Variants in PPP3CA observed in about 807,000 individuals in gnomAD.
PPP3CA encodes protein phosphatase 3 catalytic subunit alpha.
A neutral mutation model predicts 66.5 loss-of-function variants in PPP3CA; 14 were observed. The observed-to-expected ratio is 0.21, with a 90% CI of 0.14 to 0.33. PPP3CA has a LOEUF of 0.33. PPP3CA is among the 10% of genes least tolerant of loss of function. The probability of loss-of-function intolerance (pLI) is 1.00; values close to 1 mark genes in which losing one functional copy is unlikely to be tolerated. For missense variants in PPP3CA, 317 were observed against 639.5 expected, an observed-to-expected ratio of 0.50 and a Z score of 5.44; for synonymous variants, 232 against 226.2, an observed-to-expected ratio of 1.03 and a Z score of -0.23.
intron 11 of PPP3CA, among the ~76,000 whole-genome samples, chr4:101,039,879 T>C (rs1396005459): frequency 6.9e-6 from 1 of 144,682 alleles, no homozygotes; most frequent in Non-Finnish European, 1.5e-5. Context: ...AAGTAATCTT[T>C]TGAAGAGAAA....
intron 2 of PPP3CA, among the ~76,000 whole-genome samples, chr4:101,132,404 A>T (rs549600934): frequency 6.6e-6 from 1 of 152,318 alleles, no homozygotes; most frequent in African/African-American, 2.4e-5. Flanking sequence ...ACACTAAAAA[A>T]TGATAAAGGG....
At chr4:101,228,024 G>A (rs970045363) in intron 1 of PPP3CA, among the ~76,000 whole-genome samples, 2 of 151,530 alleles carry the variant, frequency 1.3e-5, no homozygotes, top group African/African-American at 4.8e-5. Flanking sequence ...GCCTTTTAAA[G>A]GGGATTCTCT....
chr4:101,088,490 CAGG>C (rs1729769815), intron 6 of PPP3CA, among the ~76,000 whole-genome samples: 2 of 145,014 alleles, frequency 1.4e-5, no homozygotes, highest in South Asian at 4.3e-4. Context: ...GAAGCTGAGG[CAGG>C]AGAATGGTGT....
At chr4:101,098,626 CACAT>C in intron 4 of PPP3CA, 114 bp from the exon 5 acceptor site, 1 of 889,292 alleles carries the variant, frequency 1.1e-6, no homozygotes, top group Admixed American at 3.7e-5. Flanking sequence ...AACATAAAGG[CACAT>C]ACTACAAAAT....
At chr4:101,276,743 G>GA (rs1045090271) in intron 1 of PPP3CA, among the ~76,000 whole-genome samples, 7 of 150,914 alleles carry the variant, frequency 4.6e-5, no homozygotes, top group Admixed American at 1.3e-4. Context: ...TAGATTTAGA[G>GA]AAAAAAAAAC....
At chr4:101,280,013 A>G (rs1727629296) in intron 1 of PPP3CA, among the ~76,000 whole-genome samples, 1 of 152,218 alleles carries the variant, frequency 6.6e-6, no homozygotes, top group Admixed American at 6.5e-5. Flanking sequence ...TCGTGGTAGT[A>G]ATGTTCATGT....
chr4:101,149,246 G>T (rs1267179522), intron 2 of PPP3CA, among the ~76,000 whole-genome samples: 1 of 152,050 alleles, frequency 6.6e-6, no homozygotes, highest in East Asian at 1.9e-4. Flanking sequence ...GTAACTAAAA[G>T]AAGCTACAAG....
In PPP3CA at chr4:101,346,758, C is replaced by A; in HGVS notation, c.39G>T (p.Thr13=). The A allele has an allele frequency of 6.2e-7, 1 of 1,611,830 alleles. No homozygotes were observed. Among genetic ancestry groups the A allele is most frequent in the South Asian group, 1.1e-5 (1 of 90,666 alleles). ...GCTTACCTTTCACCACCCTGTCGGT[C>A]GTCGACAACTTGGGATCAATTGCCT... ...EPKAIDPKLS[T]TDRVVKAVPF... The change falls in exon 1 of 14, where the codon ACG becomes ACT. Residue 13 remains threonine (T), a synonymous_variant. Transcript: ENST00000394854.
At chr4:101,341,245 T>TGCCCAAGCTTCC (rs1729806840) in intron 1 of PPP3CA, among the ~76,000 whole-genome samples, 1 of 151,250 alleles carries the variant, frequency 6.6e-6, no homozygotes, top group Non-Finnish European at 1.5e-5. Flanking sequence ...CTTGCTATGT[T>TGCCCAAGCTTCC]GCCCAAGCTT....
chr4:101,324,123 A>AAAGGAAGGGAAGGAAGGG (rs1264150227), intron 1 of PPP3CA, among the ~76,000 whole-genome samples: 1 of 137,536 alleles, frequency 7.3e-6, no homozygotes, highest in African/African-American at 3.2e-5. Flanking sequence ...AAAAGAAAAG[A>AAAGGAAGGGAAGGAAGGG]AAGGAAGGGA....
At chr4:101,232,591 CT>C (rs1351915290) in intron 1 of PPP3CA, among the ~76,000 whole-genome samples, 1 of 151,728 alleles carries the variant, frequency 6.6e-6, no homozygotes, top group East Asian at 1.9e-4. Flanking sequence ...GTCTCAATAC[CT>C]TATGACTGAC....
chr4:101,345,694 G>C lies in PPP3CA; in HGVS notation c.58+1045C>G, dbSNP rs186411137. On this transcript the variant is annotated intron_variant, in intron 1 of 13. Transcript: ENST00000394854. Reference sequence around the variant, plus strand: ...TACAAGGAGGCCGATAGATTCCCGTGCGACAGAGTGATCAACCACAGCCTG... The same window carrying C: ...TACAAGGAGGCCGATAGATTCCCGTCCGACAGAGTGATCAACCACAGCCTG... 2.0e-5 allele frequency among the ~76,000 whole-genome samples: 3 copies of C among 152,280 alleles called. No individual in the cohort carries two copies. In the East Asian group the frequency reaches 5.8e-4, roughly 29 times the overall value.
intron 2 of PPP3CA, among the ~76,000 whole-genome samples, chr4:101,173,514 C>G (rs1337471302): frequency 2.6e-5 from 4 of 152,174 alleles, no homozygotes; most frequent in African/African-American, 9.6e-5. Context: ...CATATTTACA[C>G]TACACACTTA....
chr4:101,256,469 A>G (rs1726846499), intron 1 of PPP3CA, among the ~76,000 whole-genome samples: 1 of 152,004 alleles, frequency 6.6e-6, no homozygotes, highest in African/African-American at 2.4e-5. Context: ...ATGTAACTAC[A>G]TGTACTTTAA....
chr4:101,237,560 T>C (rs1158688387), intron 1 of PPP3CA, among the ~76,000 whole-genome samples: 1 of 152,088 alleles, frequency 6.6e-6, no homozygotes, highest in Non-Finnish European at 1.5e-5. Context: ...TAATTGCTCT[T>C]TAGCTTCTTA....
intron 1 of PPP3CA, among the ~76,000 whole-genome samples, chr4:101,202,266 G>A (rs1417240622): frequency 6.6e-6 from 1 of 152,088 alleles, no homozygotes; most frequent in Non-Finnish European, 1.5e-5. Flanking sequence ...AGTAGAATAT[G>A]TCTATTGTAA....
At chr4:101,304,898 G>T (rs1316299325) in intron 1 of PPP3CA, among the ~76,000 whole-genome samples, 1 of 152,132 alleles carries the variant, frequency 6.6e-6, no homozygotes, top group Non-Finnish European at 1.5e-5. Context: ...TAACTAAACA[G>T]GCCAGTCAGT....
chr4:101,089,435 T>C (rs953490413), intron 6 of PPP3CA, among the ~76,000 whole-genome samples: 15 of 152,180 alleles, frequency 9.9e-5, no homozygotes, highest in African/African-American at 3.6e-4. Context: ...AAGGGACCAG[T>C]AGTGATTTGA....
At chr4:101,314,053 T>C (rs1728806346) in intron 1 of PPP3CA, among the ~76,000 whole-genome samples, 2 of 152,056 alleles carry the variant, frequency 1.3e-5, no homozygotes, top group African/African-American at 2.4e-5. Context: ...TAAAAGAAAA[T>C]AGAACGCATT....
Sources: allele counts gnomAD v4.1 joint callset (sites outside exome capture counted in the v4.1 genomes callset), GRCh38; gene constraint gnomAD v4.1.1; transcripts MANE v1.5; gene names NCBI Gene and HGNC (gene_info 2026-07-23, HGNC 2026-07-21).